The following SAMD4A variants were observed in gnomAD, a reference collection of about 807,000 sequenced individuals.
SAMD4A encodes protein Smaug homolog 1.
Under a neutral mutation model 81.3 loss-of-function variants are expected in SAMD4A, and 33 were observed. That is an observed-to-expected ratio of 0.41 (90% CI 0.31 to 0.54). SAMD4A has a LOEUF of 0.54. Ranked by LOEUF, SAMD4A falls within the 20% of genes least tolerant of loss-of-function variation. The pLI is 0.37. For missense variants in SAMD4A, 854 were observed against 951.1 expected (o/e 0.90, Z 1.34); for synonymous variants, 389 against 382.1 (o/e 1.02, Z -0.21).
chr14:54,634,629 C>T (rs1461573318), intron 2 of SAMD4A, among the ~76,000 whole-genome samples: 2 of 152,096 alleles, frequency 1.3e-5, no homozygotes, highest in African/African-American at 4.8e-5. Context: ...GCCCGCCGCT[C>T]ACCTCATGCT....
intron 2 of SAMD4A, among the ~76,000 whole-genome samples, chr14:54,655,533 A>G (rs2035500154): frequency 6.6e-6 from 1 of 151,736 alleles, no homozygotes; most frequent in Non-Finnish European, 1.5e-5. Context: ...GGAGTTCGAG[A>G]CCAGCCCGAC....
At chr14:54,768,780 C>G (rs1012874115) in intron 8 of SAMD4A, among the ~76,000 whole-genome samples, 2 of 152,176 alleles carry the variant, frequency 1.3e-5, no homozygotes, top group African/African-American at 4.8e-5. Context: ...GCTAAGGTCA[C>G]CCGGGAAGAA....
chr14:54,662,837 C>T (rs1344626322), intron 2 of SAMD4A, among the ~76,000 whole-genome samples: 1 of 152,158 alleles, frequency 6.6e-6, no homozygotes, highest in Non-Finnish European at 1.5e-5. Context: ...GGTCTGCACA[C>T]CCCACGTTGA....
intron 2 of SAMD4A, among the ~76,000 whole-genome samples, chr14:54,644,596 A>G (rs560374624): frequency 6.6e-6 from 1 of 152,214 alleles, no homozygotes; most frequent in Non-Finnish European, 1.5e-5. Flanking sequence ...TCCCAAGTCC[A>G]AGACCCTTCC....
intron 12 of SAMD4A, among the ~76,000 whole-genome samples, chr14:54,788,087 TC>T (rs2039186199): frequency 6.6e-6 from 1 of 152,156 alleles, no homozygotes; most frequent in Admixed American, 6.5e-5. Flanking sequence ...CTCAGCACTC[TC>T]CCACCTCCCC....
chr14:54,747,504 G>A (rs577806166), intron 4 of SAMD4A, among the ~76,000 whole-genome samples: 27 of 152,316 alleles, frequency 1.8e-4, no homozygotes, highest in Middle Eastern at 3.4e-3. Flanking sequence ...ATTGGAAGGT[G>A]CTCGCTTGTT....
intron 2 of SAMD4A, among the ~76,000 whole-genome samples, chr14:54,613,813 CCT>C (rs1206450397): frequency 6.6e-6 from 1 of 152,196 alleles, no homozygotes; most frequent in African/African-American, 2.4e-5. Flanking sequence ...TCCCTAAGGT[CCT>C]TTCAGAGGAT....
At chr14:54,687,647 T>A (rs1370421412) in intron 2 of SAMD4A, among the ~76,000 whole-genome samples, 1 of 152,052 alleles carries the variant, frequency 6.6e-6, no homozygotes. Context: ...CCAGGTCCCC[T>A]GGACAAGGGG....
At chr14:54,695,934 G>A (rs2004242) in intron 2 of SAMD4A, among the ~76,000 whole-genome samples, 3,601 of 142,572 alleles carry the variant, frequency 0.025, 92 homozygotes, top group Admixed American at 0.081. Context: ...GCCTGGTGAC[G>A]GAGTGAGACT....
At chr14:54,597,569 G>A (rs114578591) in intron 2 of SAMD4A, among the ~76,000 whole-genome samples, 2,717 of 148,346 alleles carry the variant, frequency 0.018, 36 homozygotes, top group Middle Eastern at 0.068. Context: ...CACCGCACCC[G>A]GCCTTTCCTT....
chr14:54,708,184 A>G (rs907774141), intron 3 of SAMD4A, among the ~76,000 whole-genome samples: 1 of 152,248 alleles, frequency 6.6e-6, no homozygotes, highest in Admixed American at 6.5e-5. Flanking sequence ...GTCAGGCTCT[A>G]GATATATTTT....
At chr14:54,599,519 A>C (rs1057292794) in intron 2 of SAMD4A, among the ~76,000 whole-genome samples, 4 of 152,166 alleles carry the variant, frequency 2.6e-5, no homozygotes, top group African/African-American at 9.7e-5. Context: ...ATTGCATCAA[A>C]AGAAATGGAC....
intron 3 of SAMD4A, among the ~76,000 whole-genome samples, chr14:54,723,999 TGGATGGATGGAAGGAA>T (rs1289882090): frequency 2.5e-4 from 13 of 52,992 alleles, no homozygotes; most frequent in Non-Finnish European, 3.8e-4. Flanking sequence ...ATTGGATGGA[TGGATGGATGGAAGGAA>T]GGAAGGAAGG....
At chr14:54,730,778 G>A (rs2037542352) in intron 3 of SAMD4A, among the ~76,000 whole-genome samples, 1 of 152,112 alleles carries the variant, frequency 6.6e-6, no homozygotes, top group African/African-American at 2.4e-5. Context: ...TTTGCATGAT[G>A]TCACTGATCA....
intron 3 of SAMD4A, among the ~76,000 whole-genome samples, chr14:54,724,449 A>G (rs540396861): frequency 1.3e-5 from 2 of 152,190 alleles, no homozygotes; most frequent in Non-Finnish European, 2.9e-5. Context: ...AATGAGGATT[A>G]AATGGAACAA....
chr14:54,657,451 T>C (rs79719293), intron 2 of SAMD4A, among the ~76,000 whole-genome samples: 1 of 152,036 alleles, frequency 6.6e-6, no homozygotes, highest in African/African-American at 2.4e-5. Flanking sequence ...TGTTTACTTA[T>C]TTTTTTTGTT....
chr14:54,780,687 T>C (rs1213098071), intron 11 of SAMD4A, among the ~76,000 whole-genome samples: 5 of 152,226 alleles, frequency 3.3e-5, no homozygotes, highest in South Asian at 4.1e-4. Flanking sequence ...GAGCATCAAC[T>C]TGGGGCAAGA....
At chr14:54,676,435 C>A (rs1262204091) in intron 2 of SAMD4A, among the ~76,000 whole-genome samples, 2 of 152,194 alleles carry the variant, frequency 1.3e-5, no homozygotes, top group Non-Finnish European at 2.9e-5. Flanking sequence ...TGCAGTGGCA[C>A]AATCTTGCTT....
chr14:54,725,190 T>G (rs2037383517), intron 3 of SAMD4A, among the ~76,000 whole-genome samples: 1 of 152,234 alleles, frequency 6.6e-6, no homozygotes, highest in African/African-American at 2.4e-5. Flanking sequence ...TGGAGGTACT[T>G]AGAATCTTTA....
Sources: gnomAD v4.1 joint callset for allele counts (sites outside exome capture counted in the v4.1 genomes callset) on GRCh38, gnomAD v4.1.1 for gene constraint, MANE v1.5 for transcripts, NCBI Gene and HGNC (gene_info 2026-07-23, HGNC 2026-07-21) for gene names.